Variants in SLC15A2 observed in about 807,000 individuals in gnomAD.
SLC15A2 encodes the protein kidney H(+)/peptide cotransporter.
SLC15A2 carries 77 observed loss-of-function variants against 95.5 expected under a neutral mutation model. The observed-to-expected ratio is 0.81, with a 90% confidence interval of 0.67 to 0.97. The LOEUF (loss-of-function observed/expected upper bound fraction) is 0.97. Ranked by LOEUF, SLC15A2 falls within the 50% of genes least tolerant of loss-of-function variation. The pLI is 0.00. For missense variants in SLC15A2, 893 were observed against 874.4 expected, an observed-to-expected ratio of 1.02 and a Z score of -0.27; for synonymous variants, 306 against 306.9, an observed-to-expected ratio of 1.00 and a Z score of 0.03.
chr3:121,928,731 T>C (rs1366410445), intron 15 of SLC15A2, among the ~76,000 whole-genome samples, 176 bp downstream of exon 15: 1 of 152,242 alleles, frequency 6.6e-6, no homozygotes, highest in East Asian at 1.9e-4. Flanking sequence ...TATTTAGACA[T>C]TTCCACATAG....
chr3:121,899,616 T>C (rs1709486594), intron 3 of SLC15A2, among the ~76,000 whole-genome samples: 2 of 152,168 alleles, frequency 1.3e-5, no homozygotes, highest in Admixed American at 1.3e-4. Flanking sequence ...TAATATAATA[T>C]AATGCAATAT....
Position 121,928,549 on chromosome 3 carries a change from C to T in SLC15A2, c.1335C>T (p.Ser445=), listed in dbSNP as rs144786366. The T allele has an allele frequency of 1.2e-3, 1,918 of 1,613,952 alleles. 31 individuals carry two copies. In the East Asian group the frequency reaches 0.029, roughly 24 times the overall value. The change falls in exon 15 of 22, where the codon TCC becomes TCT. Residue 445 remains serine (S), a synonymous_variant. Transcript: ENST00000489711. ...CTCTGTTGATAGAGTCCATCAAATC[C>T]TTTCAGGTGAGGTGTGTACCTGAAT... is the stretch of plus-strand genomic sequence containing the variant. The part of the protein sequence containing the change: ...NNSLLIESIK[S]FQKTPHYSKL...
intron 3 of SLC15A2, among the ~76,000 whole-genome samples, chr3:121,911,044 T>C (rs1350637392): frequency 1.3e-5 from 2 of 152,196 alleles, no homozygotes; most frequent in African/African-American, 2.4e-5. Flanking sequence ...ACCTGAGAGC[T>C]TTTTACCTCC....
At chr3:121,916,637 GATA>G (rs956883921) in intron 7 of SLC15A2, among the ~76,000 whole-genome samples, 9 of 151,954 alleles carry the variant, frequency 5.9e-5, no homozygotes, top group Non-Finnish European at 1.2e-4. Context: ...ATATTTGCAT[GATA>G]ATAATATTTA....
intron 19 of SLC15A2, among the ~76,000 whole-genome samples, chr3:121,935,854 G>A (rs1191378903): frequency 6.6e-6 from 1 of 152,116 alleles, no homozygotes; most frequent in East Asian, 1.9e-4. Flanking sequence ...TAATTGTGAT[G>A]TTAGGGTGTC....
intron 3 of SLC15A2, among the ~76,000 whole-genome samples, chr3:121,900,092 C>A (rs1709494129): frequency 6.6e-6 from 1 of 151,890 alleles, no homozygotes; most frequent in Non-Finnish European, 1.5e-5. Flanking sequence ...TAACTTTTAC[C>A]CTCTTCTCTT....
At chr3:121,930,628 AACTT>A (rs1229363979) in intron 17 of SLC15A2, among the ~76,000 whole-genome samples, 8 of 152,140 alleles carry the variant, frequency 5.3e-5, no homozygotes, top group Admixed American at 2.0e-4. Context: ...AAGAAAAAGA[AACTT>A]AGGGACAGCT....
At position 121,943,275 on chromosome 3, in the gene SLC15A2, A is replaced by C. The variant is rs777153408; in HGVS notation, c.*2268A>C. ...GAGTGAGACTTCATCTAAAAAAAAA[A>C]AGAAAAGAATATGTATACCCCCTTT... On this transcript the variant is annotated 3_prime_UTR_variant, in exon 22 of 22. Transcript: ENST00000489711. 2 of 152,090 alleles carry C rather than the reference A, an allele frequency of 1.3e-5. No homozygotes were observed. The highest frequency in any genetic ancestry group is 4.8e-5 in the African/African-American group (2 of 41,392). The allele number at this position is 152,090 out of a possible 1,614,324, so 9.4% of individuals were successfully genotyped here. A position where few individuals can be genotyped will look rare whatever the true frequency, so the allele number is the denominator to read the frequency against.
rs76443469 is a variant in SLC15A2 at position 121,915,660 on chromosome 3, G to T, written c.664G>T (p.Gly222Ter). 6.2e-7 allele frequency: 1 copy of T among 1,614,002 alleles called. No individual in the cohort carries two copies. ...FGEDCYALAF[G>*]VPGLLMVIAL... ...AGAAGACTGCTATGCATTGGCTTTT[G>T]GAGTTCCAGGACTGCTCATGGTAAT... is the stretch of plus-strand genomic sequence containing the variant. The change falls in exon 7 of 22, where the codon GGA becomes TGA. Residue 222 changes from glycine to a stop codon, truncating the protein, a stop_gained. Transcript: ENST00000489711. LOFTEE classifies it high-confidence loss of function.
At chr3:121,928,685 G>T in intron 15 of SLC15A2, 130 bp downstream of exon 15, 2 of 1,039,666 alleles carry the variant, frequency 1.9e-6, no homozygotes, top group Non-Finnish European at 1.4e-6. Context: ...ATTTTAATGG[G>T]CATATAATAT....
chr3:121,906,493 G>T (rs1160986440), intron 3 of SLC15A2, among the ~76,000 whole-genome samples: 3 of 152,158 alleles, frequency 2.0e-5, no homozygotes, highest in Non-Finnish European at 4.4e-5. Context: ...GCAGTGGCTG[G>T]TACCAGCTGT....
Position 121,941,630 on chromosome 3 carries a change from A to G in SLC15A2, c.*623A>G, listed in dbSNP as rs1710465591. The G allele has an allele frequency of 6.6e-6, 1 of 152,224 alleles. No homozygotes were observed. The highest frequency in any genetic ancestry group is 2.4e-5 in the African/African-American group (1 of 41,448). 9.4% of individuals were successfully genotyped at this position (152,224 alleles called of 1,614,324 possible). A position where few individuals can be genotyped will look rare whatever the true frequency, so the allele number is the denominator to read the frequency against. ...GAAGTTATATCTCTCTGATTATGATAGTATTTTATTTACTTATCCAAACCC... is the reference window on the plus strand; with the variant it reads ...GAAGTTATATCTCTCTGATTATGATGGTATTTTATTTACTTATCCAAACCC... On this transcript the variant is annotated 3_prime_UTR_variant, in exon 22 of 22. Coordinates refer to ENST00000489711, the MANE Select transcript of SLC15A2 (RefSeq NM_021082.4).
chr3:121,904,777 AT>A (rs1709598101), intron 3 of SLC15A2, among the ~76,000 whole-genome samples: 1 of 152,196 alleles, frequency 6.6e-6, no homozygotes, highest in Admixed American at 6.5e-5. Context: ...GGATTTTCAC[AT>A]TGGTGTTCAC....
intron 3 of SLC15A2, among the ~76,000 whole-genome samples, chr3:121,908,505 C>A (rs1329060885): frequency 6.6e-6 from 1 of 152,176 alleles, no homozygotes; most frequent in Non-Finnish European, 1.5e-5. Flanking sequence ...TCGTATTCAG[C>A]CATCTTGGAG....
chr3:121,911,124 C>T (rs988888927), intron 3 of SLC15A2, among the ~76,000 whole-genome samples: 1 of 152,184 alleles, frequency 6.6e-6, no homozygotes, highest in Non-Finnish European at 1.5e-5. Context: ...TCTTCCTTGA[C>T]CCTTCTTGCT....
chr3:121,924,191 A>G (rs1710064620), intron 11 of SLC15A2, among the ~76,000 whole-genome samples, 160 bp from the exon 12 acceptor site: 1 of 152,144 alleles, frequency 6.6e-6, no homozygotes, highest in African/African-American at 2.4e-5. Context: ...CCCATCCCCC[A>G]AATAATCTTA....
In SLC15A2 at chr3:121,938,479, T is replaced by C. The variant is rs1327284218; in HGVS notation, c.1762-870T>C. Among the ~76,000 whole-genome samples, 10 of 152,378 alleles carry C rather than the reference T, an allele frequency of 6.6e-5. No individual in the cohort carries two copies. The South Asian group carries it at 2.1e-3, about 32-fold the overall frequency. On this transcript the variant is annotated intron_variant, in intron 19 of 21. Coordinates refer to ENST00000489711, the MANE Select transcript of SLC15A2 (RefSeq NM_021082.4). ...TATAATCTCGTGGTGCGCCGTTTTT[T>C]AAGCCCGTCGGAAAAGCGCAGTATT...
chr3:121,902,580 A>G (rs900435799), intron 3 of SLC15A2, among the ~76,000 whole-genome samples: 9 of 152,154 alleles, frequency 5.9e-5, no homozygotes, highest in Non-Finnish European at 8.8e-5. Flanking sequence ...TCATTGTTCA[A>G]TTCCCACCTA....
At chr3:121,930,989 A>G (rs781710507) in intron 18 of SLC15A2, 39 bp downstream of exon 18, 1 of 1,381,866 alleles carries the variant, frequency 7.2e-7, no homozygotes, top group South Asian at 1.2e-5. Flanking sequence ...ACTTTTGTCA[A>G]TAATTGTTTT....
Sources: gnomAD v4.1 joint callset for allele counts (sites outside exome capture counted in the v4.1 genomes callset) on GRCh38, gnomAD v4.1.1 for gene constraint, MANE v1.5 for transcripts, NCBI Gene and HGNC (gene_info 2026-07-23, HGNC 2026-07-21) for gene names.